The following CERS6 variants were observed in gnomAD, a reference collection of about 807,000 sequenced individuals.
CERS6 encodes the protein ceramide synthase 6.
CERS6 carries 26 observed loss-of-function variants against 56.8 expected under a neutral mutation model. The ratio of observed to expected loss-of-function variants is 0.46; its 90% CI spans 0.34 to 0.63. The LOEUF (loss-of-function observed/expected upper bound fraction) is 0.63. CERS6 is among the 30% of genes least tolerant of loss of function. The pLI is 0.01. For synonymous variants in CERS6, 164 were observed against 173.3 expected (o/e 0.95, Z 0.42); for missense variants, 415 against 467.5 (o/e 0.89, Z 1.04).
chr2:168,732,761 T>C (rs1683582376), intron 8 of CERS6, among the ~76,000 whole-genome samples: 1 of 152,204 alleles, frequency 6.6e-6, no homozygotes, highest in Non-Finnish European at 1.5e-5. Flanking sequence ...ACTTGCTCTC[T>C]ATCCATCCTT....
intron 6 of CERS6, among the ~76,000 whole-genome samples, chr2:168,697,274 C>T (rs1007612967): frequency 6.6e-6 from 1 of 152,058 alleles, no homozygotes; most frequent in South Asian, 2.1e-4. Flanking sequence ...TCTTTGACAC[C>T]CGTAATTTGT....
intron 3 of CERS6, among the ~76,000 whole-genome samples, chr2:168,609,974 GTTTTTTT>G (rs5836191): frequency 1.1e-5 from 1 of 93,820 alleles, no homozygotes; most frequent in African/African-American, 4.7e-5. Flanking sequence ...AGATGTGACT[GTTTTTTT>G]TTTTTTTTTT....
At chr2:168,724,631 G>A (rs1010635831) in intron 8 of CERS6, among the ~76,000 whole-genome samples, 2 of 152,108 alleles carry the variant, frequency 1.3e-5, no homozygotes, top group Non-Finnish European at 2.9e-5. Flanking sequence ...TAGACATAAA[G>A]GTTCTCCAAG....
intron 3 of CERS6, among the ~76,000 whole-genome samples, chr2:168,623,258 G>A (rs752261403): frequency 1.3e-5 from 2 of 152,118 alleles, no homozygotes; most frequent in Non-Finnish European, 2.9e-5. Context: ...ATAGGAGTGG[G>A]GGAAAGAGGG....
chr2:168,559,776 TTGG>T (rs55926555), intron 2 of CERS6, among the ~76,000 whole-genome samples: 8,201 of 127,104 alleles, frequency 0.065, 433 homozygotes, highest in Middle Eastern at 0.18. Flanking sequence ...TACTTGAAGT[TTGG>T]TCATTGTGCC....
intron 6 of CERS6, among the ~76,000 whole-genome samples, chr2:168,714,089 A>G (rs901138232): frequency 6.6e-6 from 1 of 152,174 alleles, no homozygotes; most frequent in Non-Finnish European, 1.5e-5. Flanking sequence ...TTCCTGATTC[A>G]TAGATGGTGC....
At chr2:168,763,862 G>A (rs1002680940) in intron 8 of CERS6, among the ~76,000 whole-genome samples, 1 of 152,160 alleles carries the variant, frequency 6.6e-6, no homozygotes, top group African/African-American at 2.4e-5. Flanking sequence ...AGAGCAGAGA[G>A]TAAGAATGAT....
intron 4 of CERS6, chr2:168,644,397 G>T (rs1240546326): frequency 1.0e-6 from 1 of 975,228 alleles, no homozygotes; most frequent in African/African-American, 1.8e-5. Context: ...AATGATGAGA[G>T]GCAAGTGAGG....
intron 3 of CERS6, among the ~76,000 whole-genome samples, chr2:168,572,529 C>T (rs931521901): frequency 3.3e-5 from 5 of 150,604 alleles, no homozygotes; most frequent in South Asian, 2.1e-4. Flanking sequence ...TAATATTTTA[C>T]GTATATATAT....
intron 8 of CERS6, among the ~76,000 whole-genome samples, chr2:168,757,468 T>C (rs1375335729): frequency 6.6e-6 from 1 of 151,260 alleles, no homozygotes; most frequent in Non-Finnish European, 1.5e-5. Flanking sequence ...AAAGTAAAAA[T>C]AAATTCACTG....
chr2:168,596,546 T>TCCC (rs368692828), intron 3 of CERS6, among the ~76,000 whole-genome samples: 45 of 106,334 alleles, frequency 4.2e-4, no homozygotes, highest in African/African-American at 4.8e-4. Context: ...CAGGGCCCCA[T>TCCC]CCCCCCCCCT....
chr2:168,578,701 T>C (rs1427026465), intron 3 of CERS6, among the ~76,000 whole-genome samples: 2 of 152,184 alleles, frequency 1.3e-5, no homozygotes, highest in Non-Finnish European at 2.9e-5. Context: ...TATTATATCC[T>C]CATTAGGTGT....
rs142296107 is a variant in CERS6 at position 168,577,631 on chromosome 2, C to T, written c.407+16309C>T. On this transcript the variant is annotated intron_variant, in intron 3 of 9. Transcript: ENST00000305747. ...AGGCAGGAGGCGCTGGGGTGTGGAGCACAGTCAGGAGTTGCCTTAGAGAGG... is the reference window on the plus strand; with the variant it reads ...AGGCAGGAGGCGCTGGGGTGTGGAGTACAGTCAGGAGTTGCCTTAGAGAGG... Among the ~76,000 whole-genome samples the T allele has an allele frequency of 3.7e-3, 562 of 152,210 alleles. 3 individuals carry two copies. The highest frequency in any genetic ancestry group is 0.017 in the Middle Eastern group (5 of 294).
intron 1 of CERS6, among the ~76,000 whole-genome samples, chr2:168,463,597 T>C (rs1467993519): frequency 6.6e-6 from 1 of 152,206 alleles, no homozygotes; most frequent in Non-Finnish European, 1.5e-5. Context: ...TATCAGAATA[T>C]AGATTATTAT....
intron 1 of CERS6, among the ~76,000 whole-genome samples, chr2:168,536,475 A>C (rs952378502): frequency 1.4e-5 from 2 of 146,224 alleles, no homozygotes; most frequent in Admixed American, 1.4e-4. Flanking sequence ...ACACACAGTG[A>C]GATGATAGAT....
At chr2:168,670,398 A>T (rs1454800787) in intron 4 of CERS6, among the ~76,000 whole-genome samples, 1 of 152,100 alleles carries the variant, frequency 6.6e-6, no homozygotes, top group Non-Finnish European at 1.5e-5. Context: ...CCCATCCCAG[A>T]GCTCTTTCCA....
At chr2:168,514,075 GTGT>G (rs1252995194) in intron 1 of CERS6, among the ~76,000 whole-genome samples, 1 of 152,210 alleles carries the variant, frequency 6.6e-6, no homozygotes, top group Non-Finnish European at 1.5e-5. Context: ...GTAATTTACG[GTGT>G]TGTTATTTGC....
At chr2:168,624,492 G>A (rs2105288242) in intron 3 of CERS6, among the ~76,000 whole-genome samples, 1 of 152,068 alleles carries the variant, frequency 6.6e-6, no homozygotes, top group South Asian at 2.1e-4. Flanking sequence ...TATCCCACAG[G>A]GTTCTTACAA....
At chr2:168,635,338 G>A (rs1422687933) in intron 4 of CERS6, among the ~76,000 whole-genome samples, 4 of 152,190 alleles carry the variant, frequency 2.6e-5, no homozygotes, top group Non-Finnish European at 5.9e-5. Context: ...ATTGGAACCA[G>A]CTGCTGCTGC....
Sources: allele counts gnomAD v4.1 joint callset (sites outside exome capture counted in the v4.1 genomes callset), GRCh38; gene constraint gnomAD v4.1.1; transcripts MANE v1.5; gene names NCBI Gene and HGNC (gene_info 2026-07-23, HGNC 2026-07-21).